ATRN: variants seen among roughly 807,000 people sequenced by gnomAD.
ATRN encodes attractin-2.
In ATRN, 54 loss-of-function variants were observed where a neutral mutation model predicts 178.7. The ratio of observed to expected loss-of-function variants is 0.30; its 90% CI spans 0.24 to 0.38. ATRN has a LOEUF of 0.38. Ranked by LOEUF, ATRN falls within the 10% of genes least tolerant of loss-of-function variation. The pLI, the probability that ATRN is intolerant of heterozygous loss-of-function variation, is 1.00. For missense variants in ATRN, 1,443 were observed against 1,815.1 expected, an observed-to-expected ratio of 0.79 and a Z score of 3.73; for synonymous variants, 636 against 663.0, an observed-to-expected ratio of 0.96 and a Z score of 0.63.
chr20:3,627,908 C>T (rs1411893458), intron 25 of ATRN, among the ~76,000 whole-genome samples: 1 of 152,226 alleles, frequency 6.6e-6, no homozygotes, highest in Non-Finnish European at 1.5e-5. Flanking sequence ...TGCAGTGGCT[C>T]ACGCCTGTAA....
chr20:3,638,777 A>C lies in ATRN; in HGVS notation c.3943-51A>C, dbSNP rs2087044429. On this transcript the variant is annotated intron_variant, in intron 26 of 28. Coordinates refer to ENST00000262919, the MANE Select transcript of ATRN (RefSeq NM_139321.3). The surrounding 1 kb of genome is among the most constrained non-coding windows in gnomAD (Gnocchi z 4.5). ...TTTTAACATGTAGCATTAACTAATA[A>C]AACCCCTTCAGTACTCATTCCATTA... The C allele has an allele frequency of 4.6e-6, 7 of 1,518,568 alleles. No homozygotes were observed. The highest frequency in any genetic ancestry group is 6.4e-6 in the Non-Finnish European group (7 of 1,097,210). 94.1% of individuals were successfully genotyped at this position (1,518,568 alleles called of 1,614,324 possible).
Position 3,496,289 on chromosome 20 carries a change from A to T in ATRN, c.410+24772A>T, listed in dbSNP as rs1198793495. Among the ~76,000 whole-genome samples the T allele has an allele frequency of 4.6e-5, 7 of 150,748 alleles. No homozygotes were observed. The East Asian group carries it at 1.4e-3, about 29-fold the overall frequency. ...TTCCTGCTTTCTCTTGTGGGCATTT[A>T]GTGCTATAAATTTCCCTCTACACAC... is the stretch of plus-strand genomic sequence containing the variant. On this transcript the variant is annotated intron_variant, in intron 1 of 28. Transcript: ENST00000262919.
chr20:3,489,046 C>T (rs925442772), intron 1 of ATRN, among the ~76,000 whole-genome samples: 21 of 152,156 alleles, frequency 1.4e-4, no homozygotes, highest in African/African-American at 3.9e-4. Context: ...CTGCAACCTC[C>T]GCCTCCTGGG....
Position 3,598,020 on chromosome 20 carries a change from TCC to T in ATRN, c.3564+21_3564+22del. The T allele has an allele frequency of 2.6e-6, 4 of 1,517,708 alleles. No homozygotes were observed. The highest frequency in any genetic ancestry group is 3.7e-6 in the Non-Finnish European group (4 of 1,094,250). 94.0% of individuals were successfully genotyped at this position (1,517,708 alleles called of 1,614,324 possible). A position where few individuals can be genotyped will look rare whatever the true frequency, so the allele number is the denominator to read the frequency against. Reference sequence around the variant, plus strand: ...GACGAAGTAAGATTTTTTAAAGTCTTCCTATTTTGTTTTGAATTTGTATGGAT... The same window carrying T: ...GACGAAGTAAGATTTTTTAAAGTCTTTATTTTGTTTTGAATTTGTATGGAT... On this transcript the variant is annotated intron_variant, in intron 22 of 28. Transcript: ENST00000262919.
chr20:3,579,157 T>C (rs1319595765), intron 15 of ATRN, among the ~76,000 whole-genome samples: 2 of 152,138 alleles, frequency 1.3e-5, no homozygotes, highest in African/African-American at 4.8e-5. Flanking sequence ...TAAGGTATTA[T>C]AATAGTGCAT....
chr20:3,633,293 C>T (rs2146322045), intron 25 of ATRN, among the ~76,000 whole-genome samples: 1 of 152,256 alleles, frequency 6.6e-6, no homozygotes, highest in South Asian at 2.1e-4. Context: ...GGAGTCTGCA[C>T]CCTTGTACCC....
intron 24 of ATRN, among the ~76,000 whole-genome samples, chr20:3,618,410 T>G (rs1006207289): frequency 6.6e-6 from 1 of 152,166 alleles, no homozygotes; most frequent in Non-Finnish European, 1.5e-5. Context: ...AGAGAAGCCT[T>G]CAGAAGAGCA....
chr20:3,569,119 A>G (rs2086079583), intron 11 of ATRN, among the ~76,000 whole-genome samples: 1 of 152,250 alleles, frequency 6.6e-6, no homozygotes, highest in Non-Finnish European at 1.5e-5. Flanking sequence ...TTTTGGAATT[A>G]GAAATAGATT....
At chr20:3,498,427 T>A (rs1350721273) in intron 1 of ATRN, among the ~76,000 whole-genome samples, 1 of 151,950 alleles carries the variant, frequency 6.6e-6, no homozygotes, top group African/African-American at 2.4e-5. Flanking sequence ...GATGCAGAAA[T>A]CCTCAATAAA....
intron 11 of ATRN, among the ~76,000 whole-genome samples, chr20:3,569,528 G>T (rs573484342): frequency 7.0e-4 from 107 of 152,300 alleles, no homozygotes; most frequent in African/African-American, 2.5e-3. Flanking sequence ...AGGTCTGTGA[G>T]TGAGTAGACT....
At chr20:3,501,220 A>G (rs911348887) in intron 1 of ATRN, among the ~76,000 whole-genome samples, 1 of 152,226 alleles carries the variant, frequency 6.6e-6, no homozygotes, top group Non-Finnish European at 1.5e-5. Flanking sequence ...AAAGGTAGAA[A>G]CAGAGAAGTT....
chr20:3,604,617 A>C (rs931765343), intron 24 of ATRN, among the ~76,000 whole-genome samples: 4 of 152,236 alleles, frequency 2.6e-5, no homozygotes, highest in African/African-American at 9.6e-5. Flanking sequence ...AGTGAAACAA[A>C]CCCACATATA....
At chr20:3,639,620 T>A (rs1216276067) in intron 27 of ATRN, among the ~76,000 whole-genome samples, 2 of 152,262 alleles carry the variant, frequency 1.3e-5, no homozygotes, top group East Asian at 3.9e-4. Flanking sequence ...ATTAATACTC[T>A]GTGGAAAATA....
chr20:3,471,697 C>T (rs1437992246), intron 1 of ATRN, among the ~76,000 whole-genome samples, 180 bp downstream of exon 1: 1 of 152,168 alleles, frequency 6.6e-6, no homozygotes. Flanking sequence ...TGGGGTCTTT[C>T]TCTGTTGGAA....
At chr20:3,540,880 T>C (rs1055804267) in intron 3 of ATRN, among the ~76,000 whole-genome samples, 5 of 152,160 alleles carry the variant, frequency 3.3e-5, no homozygotes, top group African/African-American at 1.2e-4. Flanking sequence ...ATACTTATTA[T>C]ATATATTTTT....
chr20:3,601,090 A>T, intron 23 of ATRN, 66 bp downstream of exon 23: 1 of 1,452,164 alleles, frequency 6.9e-7, no homozygotes, highest in Non-Finnish European at 9.6e-7. Context: ...GTAATATAGG[A>T]ATTGAGAAAG....
intron 15 of ATRN, among the ~76,000 whole-genome samples, chr20:3,579,554 CAAAAG>C (rs1397718561): frequency 1.3e-5 from 2 of 152,144 alleles, no homozygotes; most frequent in Non-Finnish European, 2.9e-5. Context: ...CCAGCCATCT[CAAAAG>C]AAGAGAGCAC....
chr20:3,556,789 GT>G (rs530229500), intron 6 of ATRN, among the ~76,000 whole-genome samples: 13 of 150,986 alleles, frequency 8.6e-5, no homozygotes, highest in African/African-American at 3.2e-4. Flanking sequence ...CTTGTCTTAT[GT>G]TTTTTTTTCT....
intron 6 of ATRN, among the ~76,000 whole-genome samples, chr20:3,557,615 A>C (rs184249008): frequency 2.2e-4 from 33 of 152,352 alleles, no homozygotes; most frequent in African/African-American, 7.7e-4. Context: ...TTGTGGTAAA[A>C]GGACTGTGAG....
Sources: allele counts gnomAD v4.1 joint callset (sites outside exome capture counted in the v4.1 genomes callset), GRCh38; gene constraint gnomAD v4.1.1; non-coding constraint Gnocchi (gnomAD v3.1); transcripts MANE v1.5; gene names NCBI Gene and HGNC (gene_info 2026-07-23, HGNC 2026-07-21).